The following CDH18 variants were observed in gnomAD, a reference collection of about 807,000 sequenced individuals.
The protein encoded by CDH18 is cadherin 18, also known as cadherin-18.
CDH18 carries 31 observed loss-of-function variants against 67.9 expected under a neutral mutation model. That is an observed-to-expected ratio of 0.46 (90% CI 0.34 to 0.62). CDH18 has a LOEUF of 0.62. Among genes scored for constraint, CDH18 ranks in the 20% least tolerant of loss-of-function variants. CDH18 has a pLI of 0.01. For missense variants in CDH18, 890 were observed against 975.5 expected (o/e 0.91, Z 1.17); for synonymous variants, 362 against 347.2 (o/e 1.04, Z -0.48).
chr5:20,098,549 A>AT (rs1746184052), intron 2 of CDH18, among the ~76,000 whole-genome samples: 2 of 151,994 alleles, frequency 1.3e-5, no homozygotes, highest in African/African-American at 4.8e-5. Flanking sequence ...ACTTTTTTAG[A>AT]TTTTTACATT....
chr5:20,124,209 G>C (rs958938368), intron 2 of CDH18, among the ~76,000 whole-genome samples: 2 of 152,160 alleles, frequency 1.3e-5, no homozygotes, highest in African/African-American at 4.8e-5. Flanking sequence ...TTTGTTTTGG[G>C]GGAGGGAACA....
At chr5:19,623,419 C>A (rs974982538) in intron 5 of CDH18, among the ~76,000 whole-genome samples, 34 of 152,208 alleles carry the variant, frequency 2.2e-4, no homozygotes, top group African/African-American at 7.7e-4. Context: ...ATATCCTATA[C>A]AAGTTATATT....
At chr5:19,810,525 A>C (rs1462418147) in intron 3 of CDH18, among the ~76,000 whole-genome samples, 1 of 152,062 alleles carries the variant, frequency 6.6e-6, no homozygotes, top group Non-Finnish European at 1.5e-5. Context: ...TTTTAGAATG[A>C]AACGAGGATG....
intron 6 of CDH18, among the ~76,000 whole-genome samples, chr5:19,606,365 T>C (rs1477633071): frequency 6.6e-6 from 1 of 152,110 alleles, no homozygotes; most frequent in Non-Finnish European, 1.5e-5. Context: ...GGCATGATTA[T>C]GATATTAGAA....
chr5:20,411,572 G>T (rs1746778680), intron 1 of CDH18, among the ~76,000 whole-genome samples: 1 of 151,552 alleles, frequency 6.6e-6, no homozygotes, highest in Non-Finnish European at 1.5e-5. Flanking sequence ...ACATAACAAA[G>T]GTATGAACAG....
At chr5:20,337,738 G>T (rs1739910381) in intron 1 of CDH18, among the ~76,000 whole-genome samples, 1 of 152,162 alleles carries the variant, frequency 6.6e-6, no homozygotes, top group South Asian at 2.1e-4. Context: ...CTGTTACCCA[G>T]TTCCAAAGCA....
chr5:20,063,908 G>A (rs997643166), intron 2 of CDH18, among the ~76,000 whole-genome samples: 1 of 152,088 alleles, frequency 6.6e-6, no homozygotes, highest in African/African-American at 2.4e-5. Context: ...TGTGCTCGGG[G>A]AAACAACTGC....
chr5:20,310,656 A>C (rs958601677), intron 1 of CDH18, among the ~76,000 whole-genome samples: 6 of 152,312 alleles, frequency 3.9e-5, no homozygotes, highest in African/African-American at 1.4e-4. Context: ...TGTTGATTGC[A>C]TGTTAGATAT....
At chr5:19,952,632 A>G (rs1432833997) in intron 2 of CDH18, among the ~76,000 whole-genome samples, 2 of 152,142 alleles carry the variant, frequency 1.3e-5, no homozygotes, top group Non-Finnish European at 2.9e-5. Context: ...AAATAAAACT[A>G]TTTTGCTGAA....
chr5:19,914,748 A>G (rs1791565296), intron 2 of CDH18, among the ~76,000 whole-genome samples: 1 of 152,122 alleles, frequency 6.6e-6, no homozygotes, highest in South Asian at 2.1e-4. Flanking sequence ...TTTAGGGCCC[A>G]GGAATCAATC....
At position 19,722,319 on chromosome 5, in the gene CDH18, G is replaced by A. The variant is rs563909352; in HGVS notation, c.524-853C>T. The stretch of plus-strand genomic sequence containing the variant: ...TCCGCCCCGCTCAGCCTCCCAAAGT[G>A]CTGGAATTAAAGGTGTGAGCCACTG... On this transcript the variant is annotated intron_variant, in intron 4 of 12. Transcript: ENST00000382275. Among the ~76,000 whole-genome samples, 6 of 151,946 alleles carry A rather than the reference G, an allele frequency of 3.9e-5. No individual in the cohort carries two copies. In the South Asian group the frequency reaches 1.3e-3, roughly 32 times the overall value.
intron 1 of CDH18, among the ~76,000 whole-genome samples, chr5:20,451,091 G>C (rs951967190): frequency 6.6e-6 from 1 of 152,100 alleles, no homozygotes; most frequent in African/African-American, 2.4e-5. Flanking sequence ...GTTGAGACTT[G>C]GGTGGGGACA....
At chr5:19,586,675 G>A (rs920546517) in intron 7 of CDH18, among the ~76,000 whole-genome samples, 1 of 152,132 alleles carries the variant, frequency 6.6e-6, no homozygotes, top group Admixed American at 6.6e-5. Flanking sequence ...ACATAGACAT[G>A]CATGTGTCTT....
chr5:19,745,149 C>A (rs1769813154), intron 4 of CDH18, among the ~76,000 whole-genome samples: 1 of 152,154 alleles, frequency 6.6e-6, no homozygotes, highest in African/African-American at 2.4e-5. Context: ...CTACTTCTTC[C>A]AGTCAGTTAT....
At chr5:20,523,430 C>T (rs1289489935) in intron 1 of CDH18, among the ~76,000 whole-genome samples, 2 of 152,110 alleles carry the variant, frequency 1.3e-5, no homozygotes, top group Non-Finnish European at 2.9e-5. Flanking sequence ...CTTTATATTA[C>T]AATTATGACG....
At chr5:20,253,819 T>C (rs990652259) in intron 2 of CDH18, among the ~76,000 whole-genome samples, 4 of 152,186 alleles carry the variant, frequency 2.6e-5, no homozygotes, top group Non-Finnish European at 5.9e-5. Context: ...AGCTTGAATA[T>C]ATATTTGAAG....
At chr5:20,427,938 T>C (rs1017929599) in intron 1 of CDH18, among the ~76,000 whole-genome samples, 3 of 151,186 alleles carry the variant, frequency 2.0e-5, no homozygotes, top group Non-Finnish European at 4.4e-5. Flanking sequence ...GTTTTTTTGT[T>C]TAATTTTACT....
intron 1 of CDH18, among the ~76,000 whole-genome samples, chr5:20,333,991 T>G (rs1226978324): frequency 6.6e-6 from 1 of 152,044 alleles, no homozygotes; most frequent in Non-Finnish European, 1.5e-5. Flanking sequence ...AGATAAACGT[T>G]TGGGGTCATG....
intron 2 of CDH18, among the ~76,000 whole-genome samples, chr5:20,226,536 A>G (rs1442336352): frequency 6.6e-6 from 1 of 152,094 alleles, no homozygotes; most frequent in Non-Finnish European, 1.5e-5. Flanking sequence ...CAGTAAAATA[A>G]TTGTCGTTTT....
Sources: gnomAD v4.1 joint callset for allele counts (sites outside exome capture counted in the v4.1 genomes callset) on GRCh38, gnomAD v4.1.1 for gene constraint, MANE v1.5 for transcripts, NCBI Gene and HGNC (gene_info 2026-07-23, HGNC 2026-07-21) for gene names.